The following SNTG1 variants were observed in gnomAD, a reference collection of about 807,000 sequenced individuals.
SNTG1 encodes the protein syntrophin gamma 1.
A neutral mutation model predicts 74.7 loss-of-function variants in SNTG1; 39 were observed. The observed-to-expected ratio is 0.52, with a 90% CI of 0.40 to 0.68. The LOEUF (loss-of-function observed/expected upper bound fraction) is 0.68, where lower values mean the gene tolerates loss of function less well. Among genes scored for constraint, SNTG1 ranks in the 30% least tolerant of loss-of-function variants. The pLI is 0.00. For missense variants in SNTG1, 685 were observed against 609.5 expected, an observed-to-expected ratio of 1.12 and a Z score of -1.30; for synonymous variants, 254 against 217.1, an observed-to-expected ratio of 1.17 and a Z score of -1.49.
chr8:50,601,898 G>T (rs1237874904), intron 13 of SNTG1, among the ~76,000 whole-genome samples: 1 of 151,930 alleles, frequency 6.6e-6, no homozygotes, highest in Non-Finnish European at 1.5e-5. Context: ...TGTAGTTTTT[G>T]TCTTGAAATA....
intron 1 of SNTG1, among the ~76,000 whole-genome samples, chr8:49,953,343 G>T (rs1157312377): frequency 1.3e-5 from 2 of 152,110 alleles, no homozygotes; most frequent in African/African-American, 2.4e-5. Flanking sequence ...AGGACCCTTG[G>T]GGGGAAACAG....
chr8:50,257,199 A>T (rs1006138251), intron 2 of SNTG1, among the ~76,000 whole-genome samples: 1 of 152,140 alleles, frequency 6.6e-6, no homozygotes, highest in East Asian at 1.9e-4. Flanking sequence ...CCCACTGAAC[A>T]TACACTCGTT....
At chr8:50,291,372 T>G (rs1331937797) in intron 2 of SNTG1, among the ~76,000 whole-genome samples, 1 of 151,810 alleles carries the variant, frequency 6.6e-6, no homozygotes, top group Non-Finnish European at 1.5e-5. Flanking sequence ...TAGGGAAAAC[T>G]TCTCCAAGGA....
At chr8:50,318,709 T>C (rs943537015) in intron 2 of SNTG1, among the ~76,000 whole-genome samples, 4 of 152,230 alleles carry the variant, frequency 2.6e-5, no homozygotes, top group Admixed American at 6.5e-5. Context: ...TGTGGAAATT[T>C]AGACTATAGA....
chr8:50,140,408 T>C (rs1362611127), intron 1 of SNTG1, among the ~76,000 whole-genome samples: 1 of 152,142 alleles, frequency 6.6e-6, no homozygotes, highest in Admixed American at 6.6e-5. Context: ...CATGTGTGTG[T>C]CTGAAAGAGA....
chr8:50,287,609 C>G (rs1397067857), intron 2 of SNTG1, among the ~76,000 whole-genome samples: 2 of 152,182 alleles, frequency 1.3e-5, no homozygotes, highest in Admixed American at 1.3e-4. Flanking sequence ...TATCTCCTTT[C>G]TGCTTCAGTC....
chr8:50,711,031 A>G (rs1446348900), intron 17 of SNTG1, among the ~76,000 whole-genome samples: 1 of 152,174 alleles, frequency 6.6e-6, no homozygotes, highest in African/African-American at 2.4e-5. Context: ...GAATGAAAGT[A>G]GGAGCTATTA....
intron 15 of SNTG1, among the ~76,000 whole-genome samples, chr8:50,666,899 T>C (rs1387303872): frequency 6.6e-6 from 1 of 152,032 alleles, no homozygotes; most frequent in East Asian, 1.9e-4. Context: ...TATTTTGATA[T>C]CAAATATATA....
At chr8:49,929,261 AG>A (rs1807329844) in intron 1 of SNTG1, among the ~76,000 whole-genome samples, 1 of 152,196 alleles carries the variant, frequency 6.6e-6, no homozygotes, top group Non-Finnish European at 1.5e-5. Flanking sequence ...GGATGAAAGC[AG>A]GGGGCATGGG....
chr8:50,067,023 CTT>C (rs1223734237), intron 1 of SNTG1, among the ~76,000 whole-genome samples: 1 of 152,050 alleles, frequency 6.6e-6, no homozygotes, highest in Non-Finnish European at 1.5e-5. Flanking sequence ...TTCGTCAGTT[CTT>C]TTCTTTTCTT....
At chr8:50,701,594 CT>C (rs2095424106) in intron 15 of SNTG1, among the ~76,000 whole-genome samples, 1 of 138,046 alleles carries the variant, frequency 7.2e-6, no homozygotes, top group Non-Finnish European at 1.6e-5. Context: ...TCCTCTTCTT[CT>C]TCTTCTTCTT....
intron 2 of SNTG1, among the ~76,000 whole-genome samples, chr8:50,204,850 G>A (rs1261359929): frequency 6.6e-6 from 1 of 152,106 alleles, no homozygotes; most frequent in Non-Finnish European, 1.5e-5. Flanking sequence ...AGAGTTTGCT[G>A]AGAATGATGG....
At chr8:50,487,860 AG>A (rs1426818189) in intron 8 of SNTG1, among the ~76,000 whole-genome samples, 2 of 152,106 alleles carry the variant, frequency 1.3e-5, no homozygotes, top group Non-Finnish European at 2.9e-5. Context: ...AAAAAAAAAA[AG>A]AAGTCTCTAG....
At chr8:50,193,751 T>G (rs796712115) in intron 2 of SNTG1, among the ~76,000 whole-genome samples, 4 of 152,254 alleles carry the variant, frequency 2.6e-5, no homozygotes, top group African/African-American at 9.6e-5. Context: ...TTTGTTCCAG[T>G]TCTCAGAGGG....
chr8:50,018,935 A>G (rs1816583016), intron 1 of SNTG1, among the ~76,000 whole-genome samples: 1 of 152,034 alleles, frequency 6.6e-6, no homozygotes, highest in African/African-American at 2.4e-5. Flanking sequence ...AAAAAATTAA[A>G]CATAGAATTG....
At chr8:50,535,335 C>T (rs1231293020) in intron 10 of SNTG1, among the ~76,000 whole-genome samples, 2 of 152,162 alleles carry the variant, frequency 1.3e-5, no homozygotes, top group African/African-American at 4.8e-5. Flanking sequence ...CTTGTACTAT[C>T]TCCCAGCTGA....
intron 2 of SNTG1, among the ~76,000 whole-genome samples, chr8:50,317,888 G>A (rs2090372225): frequency 6.6e-6 from 1 of 152,046 alleles, no homozygotes; most frequent in African/African-American, 2.4e-5. Context: ...CCAGGCTTGA[G>A]TGCAGTGGCG....
At position 50,730,963 on chromosome 8, in the gene SNTG1, C is replaced by A. The variant is rs2095511492; in HGVS notation, c.1285-21038C>A. 1.3e-5 allele frequency among the ~76,000 whole-genome samples: 2 copies of A among 152,212 alleles called. 1 individual carries two copies. The highest frequency in any genetic ancestry group is 6.8e-3 in the Middle Eastern group (2 of 294). On this transcript the variant is annotated intron_variant, in intron 17 of 18. Coordinates refer to ENST00000642720, the MANE Select transcript of SNTG1 (RefSeq NM_018967.5). ...ATTATTTCACCCCTTTTTACACTCA[C>A]CTTTAAAGTAGAATAGTCAGACATT...
intron 2 of SNTG1, among the ~76,000 whole-genome samples, chr8:50,264,021 CAAA>C (rs1349924162): frequency 1.3e-5 from 2 of 152,080 alleles, no homozygotes; most frequent in Non-Finnish European, 2.9e-5. Context: ...AAATTAATAA[CAAA>C]GAAGATGTGG....
Sources: allele counts gnomAD v4.1 joint callset (sites outside exome capture counted in the v4.1 genomes callset), GRCh38; gene constraint gnomAD v4.1.1; transcripts MANE v1.5; gene names NCBI Gene and HGNC (gene_info 2026-07-23, HGNC 2026-07-21).